The following EIF2AK4 variants were observed in gnomAD, a reference collection of about 807,000 sequenced individuals.
The protein encoded by EIF2AK4 is eIF-2-alpha kinase GCN2.
EIF2AK4 carries 139 observed loss-of-function variants against 211.1 expected under a neutral mutation model. The observed-to-expected ratio is 0.66, with a 90% CI of 0.57 to 0.76. EIF2AK4 has a LOEUF of 0.76. Among genes scored for constraint, EIF2AK4 ranks in the 30% least tolerant of loss-of-function variants. The pLI is 0.00. For synonymous variants in EIF2AK4, 710 were observed against 751.3 expected (o/e 0.94, Z 0.90); for missense variants, 1,664 against 2,043.8 (o/e 0.81, Z 3.58).
At position 40,029,589 on chromosome 15, in the gene EIF2AK4, T is replaced by C. The variant is rs1291625219; in HGVS notation, c.4561+125T>C. 12 of 983,454 alleles carry C rather than the reference T, an allele frequency of 1.2e-5. No individual in the cohort carries two copies. In the East Asian group the frequency reaches 2.6e-4, roughly 21 times the overall value. 60.9% of individuals were successfully genotyped at this position (983,454 alleles called of 1,614,324 possible). ...TTAAAATAACATATACGCAATAAAT[T>C]GTACCACATGGGATGCATCCCTATG... On this transcript the variant is annotated intron_variant, in intron 34 of 38. Coordinates refer to ENST00000263791, the MANE Select transcript of EIF2AK4 (RefSeq NM_001013703.4).
intron 6 of EIF2AK4, among the ~76,000 whole-genome samples, chr15:39,959,683 A>C (rs1279868430): frequency 6.6e-6 from 1 of 152,240 alleles, no homozygotes; most frequent in Admixed American, 6.5e-5. Flanking sequence ...CCATCTGCTG[A>C]GGAGGCCAGA....
At chr15:40,023,539 T>C (rs1199607983) in intron 32 of EIF2AK4, among the ~76,000 whole-genome samples, 1 of 152,214 alleles carries the variant, frequency 6.6e-6, no homozygotes, top group Non-Finnish European at 1.5e-5. Flanking sequence ...TTTATATCTT[T>C]CCCGGAACTT....
At chr15:40,000,888 G>T in intron 20 of EIF2AK4, 100 bp from the exon 21 acceptor site, 1 of 1,142,830 alleles carries the variant, frequency 8.8e-7, no homozygotes, top group Non-Finnish European at 1.3e-6. Context: ...AAGAATAGTG[G>T]CACCTTTTCT....
rs753520346 is a variant in EIF2AK4 at position 39,934,254 on chromosome 15, C to G, written c.59C>G (p.Pro20Arg). 1.8e-5 allele frequency: 29 copies of G among 1,610,244 alleles called. No individual in the cohort carries two copies. In the South Asian group the frequency reaches 2.9e-4, roughly 16 times the overall value. The stretch of plus-strand genomic sequence containing the variant: ...CGGGACGAGCCTCCGGAGAGCTACC[C>G]GCAACGACAGGACCACGAGCTACAG... ...RGRDEPPESY[P>R]QRQDHELQAL... The change falls in exon 1 of 39, where the codon CCG becomes CGG. Residue 20 changes from proline (P) to arginine (R), a missense_variant. Coordinates refer to ENST00000263791, the MANE Select transcript of EIF2AK4 (RefSeq NM_001013703.4).
At chr15:39,947,588 C>T (rs1055130304) in intron 3 of EIF2AK4, among the ~76,000 whole-genome samples, 5 of 152,210 alleles carry the variant, frequency 3.3e-5, no homozygotes, top group Non-Finnish European at 7.3e-5. Flanking sequence ...GAGCAAACCA[C>T]ACCATGGGCT....
Position 39,977,845 on chromosome 15 carries a change from C to T in EIF2AK4, c.2250-233C>T, listed in dbSNP as rs12901065. On this transcript the variant is annotated intron_variant, in intron 12 of 38. Transcript: ENST00000263791. The stretch of plus-strand genomic sequence containing the variant: ...GTGGATACAGTTTATGATTACTCTT[C>T]ACTATTAAATTTTTTGAGGAAACTT... 0.47 allele frequency: 151,105 copies of T among 320,908 alleles called. 36,471 individuals carry two copies. Among genetic ancestry groups the T allele is most frequent in the East Asian group, 0.5 (10,420 of 20,980 alleles). 19.9% of individuals were successfully genotyped at this position (320,908 alleles called of 1,614,324 possible).
chr15:39,990,188 C>A, intron 15 of EIF2AK4, 85 bp from the exon 16 acceptor site: 1 of 1,318,582 alleles, frequency 7.6e-7, no homozygotes, highest in Non-Finnish European at 1.1e-6. Context: ...CGATTTTCAT[C>A]GCTAGGTTGG....
intron 9 of EIF2AK4, among the ~76,000 whole-genome samples, chr15:39,970,727 G>C (rs2034612157): frequency 6.6e-6 from 1 of 152,158 alleles, no homozygotes; most frequent in African/African-American, 2.4e-5. Flanking sequence ...CTAAGTGGAA[G>C]AAAGAATTGG....
rs149692868 is a variant in EIF2AK4, at chr15:39,994,778, T to G, written c.2766+1930T>G. ...CTAAGTACCTGGTGAGGGTGAGGGT[T>G]AGGGTATCAGGAGATGGACTGCACA... On this transcript the variant is annotated intron_variant, in intron 18 of 38. Coordinates refer to ENST00000263791, the MANE Select transcript of EIF2AK4 (RefSeq NM_001013703.4). Among the ~76,000 whole-genome samples the G allele has an allele frequency of 1.4e-3, 208 of 152,168 alleles. 4 individuals carry two copies. The East Asian group carries it at 0.037, about 27-fold the overall frequency.
At chr15:39,987,879 AC>A in intron 14 of EIF2AK4, 103 bp from the exon 15 acceptor site, 1 of 1,347,854 alleles carries the variant, frequency 7.4e-7, no homozygotes. Context: ...ACCGTTTAAA[AC>A]CCATGGTACA....
At position 39,976,681 on chromosome 15, in the gene EIF2AK4, G is replaced by C; in HGVS notation, c.2086G>C (p.Val696Leu). ...PASDTDGLDS[V>L]EAAAPPPILS... Reference sequence around the variant, plus strand: ...GAGCGACACAGACGGCCTGGACAGCGTAGAGGCCGCCGCGCCGCCACCCAT... The same window carrying C: ...GAGCGACACAGACGGCCTGGACAGCCTAGAGGCCGCCGCGCCGCCACCCAT... Residue 696 changes from valine (V) to leucine (L), a missense_variant, in exon 12 of 39, where the codon GTA becomes CTA. Coordinates refer to ENST00000263791, the MANE Select transcript of EIF2AK4 (RefSeq NM_001013703.4). 6 of 1,602,100 alleles carry C rather than the reference G, an allele frequency of 3.7e-6. No individual in the cohort carries two copies. Among genetic ancestry groups the C allele is most frequent in the Non-Finnish European group, 5.1e-6 (6 of 1,177,496 alleles).
chr15:39,967,610 A>C lies in EIF2AK4; in HGVS notation c.1284A>C (p.Ala428=), dbSNP rs2034562747. ...SNSVVHKVLS[A]SNVLVDAEGT... ...CTGTGGTGCATAAGGTCCTGAGTGC[A>C]TCTAATGTCTTGGTGGATGCAGAAG... The change falls in exon 9 of 39, where the codon GCA becomes GCC. Residue 428 remains alanine (A), a synonymous_variant. Coordinates refer to ENST00000263791, the MANE Select transcript of EIF2AK4 (RefSeq NM_001013703.4). 1 of 1,613,840 alleles carries C rather than the reference A, an allele frequency of 6.2e-7. No homozygotes were observed.
intron 6 of EIF2AK4, among the ~76,000 whole-genome samples, chr15:39,957,073 T>C (rs2034401547): frequency 6.6e-6 from 1 of 152,242 alleles, no homozygotes; most frequent in Admixed American, 6.5e-5. Context: ...TCTGGGCTTC[T>C]AATAAGCAAC....
chr15:39,940,258 A>G (rs1395921368), intron 2 of EIF2AK4, among the ~76,000 whole-genome samples: 3 of 152,362 alleles, frequency 2.0e-5, no homozygotes, highest in East Asian at 1.9e-4. Flanking sequence ...AGTTAGAGCC[A>G]AAGTGTTAGC....
intron 27 of EIF2AK4, among the ~76,000 whole-genome samples, chr15:40,011,917 C>G (rs372682975): frequency 1.3e-5 from 2 of 152,086 alleles, no homozygotes; most frequent in East Asian, 3.8e-4. Context: ...CAGATTGATC[C>G]CAGATCTTTG....
chr15:40,032,937 C>A, intron 37 of EIF2AK4, 136 bp downstream of exon 37: 1 of 657,074 alleles, frequency 1.5e-6, no homozygotes, highest in Non-Finnish European at 2.5e-6. Flanking sequence ...TAACATTTTT[C>A]CTTTTATGTA....
chr15:39,981,899 AG>A (rs1243792511), intron 13 of EIF2AK4, among the ~76,000 whole-genome samples: 1 of 149,508 alleles, frequency 6.7e-6, no homozygotes, highest in Non-Finnish European at 1.5e-5. Flanking sequence ...CTCTGAGGGC[AG>A]TGTGCCCTTT....
chr15:39,965,992 A>T, intron 8 of EIF2AK4, 149 bp downstream of exon 8: 1 of 1,103,734 alleles, frequency 9.1e-7, no homozygotes, highest in East Asian at 2.6e-5. Context: ...GTGAAGGACC[A>T]GTACCTCTTT....
intron 4 of EIF2AK4, among the ~76,000 whole-genome samples, chr15:39,951,920 T>A (rs2034323567): frequency 6.6e-6 from 1 of 152,232 alleles, no homozygotes; most frequent in Non-Finnish European, 1.5e-5. Flanking sequence ...TTACCTATAC[T>A]ACGTTCTATT....
Sources: allele counts gnomAD v4.1 joint callset (sites outside exome capture counted in the v4.1 genomes callset), GRCh38; gene constraint gnomAD v4.1.1; transcripts MANE v1.5; gene names NCBI Gene and HGNC (gene_info 2026-07-23, HGNC 2026-07-21).